Variants in CRYBG1 observed in about 807,000 individuals in gnomAD.
CRYBG1 encodes the protein crystallin beta-gamma domain containing 1.
Under a neutral mutation model 189.2 loss-of-function variants are expected in CRYBG1, and 139 were observed. The ratio of observed to expected loss-of-function variants is 0.73; its 90% CI spans 0.64 to 0.85. The LOEUF is 0.85. Among genes scored for constraint, CRYBG1 ranks in the 40% least tolerant of loss-of-function variants. The pLI is 0.00. For synonymous variants in CRYBG1, 1,023 were observed against 1,017.1 expected, an observed-to-expected ratio of 1.01 and a Z score of -0.11; for missense variants, 2,611 against 2,675.8, an observed-to-expected ratio of 0.98 and a Z score of 0.53.
intron 2 of CRYBG1, among the ~76,000 whole-genome samples, chr6:106,466,719 G>A (rs1275852054): frequency 6.6e-6 from 1 of 152,180 alleles, no homozygotes; most frequent in South Asian, 2.1e-4. Context: ...CAGAATCAAG[G>A]TATCAGTTGA....
At chr6:106,526,778 T>G (rs1469942684) in intron 6 of CRYBG1, among the ~76,000 whole-genome samples, 15 of 151,752 alleles carry the variant, frequency 9.9e-5, no homozygotes, top group Admixed American at 9.9e-4. Flanking sequence ...CAGTCTCTAC[T>G]AAAAATACAA....
Position 106,503,252 on chromosome 6 carries a change from C to T in CRYBG1, c.313-8178C>T, listed in dbSNP as rs139010971. Among the ~76,000 whole-genome samples, 501 of 152,292 alleles carry T rather than the reference C, an allele frequency of 3.3e-3. 2 individuals are homozygous for T. The highest frequency in any genetic ancestry group is 5.7e-3 in the Non-Finnish European group (389 of 68,008). On this transcript the variant is annotated intron_variant, in intron 2 of 21. Transcript: ENST00000633556. ...AGTCAGTTTCTACCTTCCATCATAA[C>T]TGGGAGCCTGGGGCGCAGACAAGGC...
chr6:106,462,386 C>T (rs1020009699), intron 2 of CRYBG1, among the ~76,000 whole-genome samples: 1 of 152,184 alleles, frequency 6.6e-6, no homozygotes, highest in Non-Finnish European at 1.5e-5. Flanking sequence ...GTCTCGATCT[C>T]CTGACCTCGT....
At chr6:106,380,821 A>G (rs1158430804) in intron 1 of CRYBG1, among the ~76,000 whole-genome samples, 2 of 152,152 alleles carry the variant, frequency 1.3e-5, no homozygotes, top group Non-Finnish European at 2.9e-5. Flanking sequence ...ATAAGCAGCA[A>G]TGTGTAATGT....
chr6:106,387,928 C>T (rs891354593), intron 1 of CRYBG1, among the ~76,000 whole-genome samples: 2 of 152,202 alleles, frequency 1.3e-5, no homozygotes, highest in Admixed American at 1.3e-4. Context: ...TTTTATTCTT[C>T]CATTGGAGCA....
chr6:106,444,123 T>C (rs1246355450), intron 1 of CRYBG1, among the ~76,000 whole-genome samples: 1 of 152,210 alleles, frequency 6.6e-6, no homozygotes, highest in African/African-American at 2.4e-5. Context: ...TTGTTATTCA[T>C]GAGCTTAGTA....
intron 1 of CRYBG1, among the ~76,000 whole-genome samples, chr6:106,382,756 T>G (rs545803119): frequency 1.8e-4 from 28 of 152,304 alleles, no homozygotes; most frequent in African/African-American, 5.8e-4. Context: ...AAAAGCCAAG[T>G]GTTTGGAAAT....
At chr6:106,388,268 C>T (rs1770429620) in intron 1 of CRYBG1, among the ~76,000 whole-genome samples, 1 of 151,360 alleles carries the variant, frequency 6.6e-6, no homozygotes, top group African/African-American at 2.4e-5. Flanking sequence ...TTGCCATGTT[C>T]ATCTTGGCAC....
intron 1 of CRYBG1, among the ~76,000 whole-genome samples, chr6:106,419,107 A>G (rs766078660): frequency 2.0e-5 from 3 of 152,214 alleles, no homozygotes; most frequent in Non-Finnish European, 2.9e-5. Flanking sequence ...TGGAGCCGCC[A>G]TGTTGAACAT....
chr6:106,475,551 A>G (rs1772318336), intron 2 of CRYBG1, among the ~76,000 whole-genome samples: 1 of 152,200 alleles, frequency 6.6e-6, no homozygotes, highest in Non-Finnish European at 1.5e-5. Flanking sequence ...GGCAAGCACT[A>G]CGTGTGTTTG....
At chr6:106,370,265 G>C (rs1769991447) in intron 1 of CRYBG1, among the ~76,000 whole-genome samples, 1 of 152,194 alleles carries the variant, frequency 6.6e-6, no homozygotes, top group Admixed American at 6.5e-5. Context: ...AGCTGTGTCA[G>C]AAAAAAGCAT....
chr6:106,446,999 G>A (rs941928158), intron 1 of CRYBG1, among the ~76,000 whole-genome samples: 2 of 152,184 alleles, frequency 1.3e-5, no homozygotes, highest in African/African-American at 4.8e-5. Context: ...CTAAGTCTGA[G>A]TAAAATCAAG....
chr6:106,520,293 G>A lies in CRYBG1; in HGVS notation c.3085G>A (p.Val1029Ile). 1 of 1,614,156 alleles carries A rather than the reference G, an allele frequency of 6.2e-7. No individual in the cohort carries two copies. Among genetic ancestry groups the A allele is most frequent in the Non-Finnish European group, 8.5e-7 (1 of 1,180,036 alleles). ...AELAAKSGPQ[V>I]IPPASEKTLP... is the part of the protein sequence containing the mutation. ...GCTCGCGGCAAAATCTGGCCCACAA[G>A]TCATACCGCCAGCATCAGAGAAAAC... The change falls in exon 4 of 22, where the codon GTC becomes ATC. Residue 1029 changes from valine (V) to isoleucine (I), a missense_variant. Physicochemically the swap from Val to Ile is conservative, Grantham distance 29. This residue lies in a region of CRYBG1 where 1,622 missense variants were observed against 1,735.0 expected (regional missense o/e 0.93). Coordinates refer to ENST00000633556, the MANE Select transcript of CRYBG1 (RefSeq NM_001371242.2).
chr6:106,424,255 C>T (rs1363788526), intron 1 of CRYBG1, among the ~76,000 whole-genome samples: 2 of 151,224 alleles, frequency 1.3e-5, no homozygotes, highest in African/African-American at 2.5e-5. Context: ...TTGGCACCCT[C>T]TTTGAAGGAT....
intron 2 of CRYBG1, among the ~76,000 whole-genome samples, chr6:106,494,713 G>T (rs934479636): frequency 6.6e-6 from 1 of 151,984 alleles, no homozygotes; most frequent in Non-Finnish European, 1.5e-5. Context: ...ATAAATTTAG[G>T]TGTCCATTAT....
intron 1 of CRYBG1, among the ~76,000 whole-genome samples, chr6:106,443,578 G>A (rs1331885791): frequency 1.3e-5 from 2 of 152,158 alleles, no homozygotes; most frequent in South Asian, 2.1e-4. Context: ...GTTCAAATGC[G>A]ATGACAAAGG....
chr6:106,468,632 G>A (rs1018663715), intron 2 of CRYBG1, among the ~76,000 whole-genome samples: 2 of 152,220 alleles, frequency 1.3e-5, no homozygotes, highest in African/African-American at 4.8e-5. Context: ...GGAGGCTGCA[G>A]TGAGCCATGA....
At chr6:106,413,701 T>C (rs1049052721) in intron 1 of CRYBG1, among the ~76,000 whole-genome samples, 1 of 151,846 alleles carries the variant, frequency 6.6e-6, no homozygotes, top group African/African-American at 2.4e-5. Flanking sequence ...TGGACACATG[T>C]TCACTGCAGG....
chr6:106,393,702 G>A (rs1315982128), intron 1 of CRYBG1, among the ~76,000 whole-genome samples: 2 of 135,884 alleles, frequency 1.5e-5, no homozygotes, highest in East Asian at 2.2e-4. Flanking sequence ...TTTTTTAGGA[G>A]TCTTGCTCTG....
Sources: gnomAD v4.1 joint callset for allele counts (sites outside exome capture counted in the v4.1 genomes callset) on GRCh38, gnomAD v4.1.1 for gene constraint, gnomAD v4.1.1 regional missense constraint, MANE v1.5 for transcripts, NCBI Gene and HGNC (gene_info 2026-07-23, HGNC 2026-07-21) for gene names.